The following MPP2 variants were observed in gnomAD, a reference collection of about 807,000 sequenced individuals.
MPP2 encodes the protein MAGUK p55 scaffold protein 2.
In MPP2, 42 loss-of-function variants were observed where a neutral mutation model predicts 58.5. The observed-to-expected ratio is 0.72, with a 90% CI of 0.56 to 0.93. The LOEUF (loss-of-function observed/expected upper bound fraction) is 0.93, where lower values mean the gene tolerates loss of function less well. Among genes scored for constraint, MPP2 ranks in the 40% least tolerant of loss-of-function variants. The pLI, the probability that MPP2 is intolerant of heterozygous loss-of-function variation, is 0.00. For missense variants in MPP2, 632 were observed against 760.4 expected (o/e 0.83, Z 1.99); for synonymous variants, 300 against 307.8 (o/e 0.97, Z 0.26).
chr17:43,887,883 T>C (rs1215586576), intron 3 of MPP2, among the ~76,000 whole-genome samples: 2 of 152,126 alleles, frequency 1.3e-5, no homozygotes, highest in Non-Finnish European at 1.5e-5. Context: ...CAGGAGTTTA[T>C]ATACACAATG....
intron 3 of MPP2, among the ~76,000 whole-genome samples, chr17:43,897,583 C>A (rs1441176110): frequency 2.6e-5 from 4 of 152,218 alleles, no homozygotes; most frequent in Admixed American, 2.6e-4. Context: ...GACCTGCCAA[C>A]CTTTGCACAG....
upstream of MPP2, chr17:43,908,026 A>G (rs1464041693): frequency 1.0e-6 from 1 of 959,528 alleles, no homozygotes; most frequent in African/African-American, 1.8e-5. Flanking sequence ...TTAAGGACTC[A>G]GAGGGTGGAT....
In MPP2 at chr17:43,879,731, A is replaced by G. The variant is rs748860767; in HGVS notation, c.1353+51T>C. Reference sequence around the variant, plus strand: ...TCTGGAACTATATGGGGGAGCAATGAGGCAGCAGAGAGGACATTGGGCAGG... The same window carrying G: ...TCTGGAACTATATGGGGGAGCAATGGGGCAGCAGAGAGGACATTGGGCAGG... On this transcript the variant is annotated intron_variant, in intron 11 of 12. Transcript: ENST00000269095. This position sits in a 1 kb window ranked among gnomAD's most constrained non-coding sequence, Gnocchi z 4.1. 2.4e-5 allele frequency: 39 copies of G among 1,592,192 alleles called. No homozygotes were observed. In the African/African-American group the frequency reaches 5.0e-4, roughly 20 times the overall value.
chr17:43,878,706 A>G (rs771831565), intron 12 of MPP2, among the ~76,000 whole-genome samples: 1 of 152,192 alleles, frequency 6.6e-6, no homozygotes, highest in African/African-American at 2.4e-5. Context: ...AGCACCAGGC[A>G]TGGCCAGCAG....
chr17:43,883,442 A>T, intron 3 of MPP2, 87 bp from the exon 4 acceptor site: 1 of 1,449,372 alleles, frequency 6.9e-7, no homozygotes, highest in Non-Finnish European at 9.2e-7. Flanking sequence ...GCCCCCAGGC[A>T]TTTTCCCCAT....
rs2047160027 is a variant in MPP2 at position 43,882,192 on chromosome 17, CAGT to C, written c.681+89_681+91del. The C allele has an allele frequency of 3.2e-6, 4 of 1,235,268 alleles. No individual in the cohort carries two copies. The South Asian group carries it at 5.5e-5, about 17-fold the overall frequency. The allele number at this position is 1,235,268 out of a possible 1,614,324, so 76.5% of individuals were successfully genotyped here. On this transcript the variant is annotated intron_variant, in intron 6 of 12. Transcript: ENST00000269095. Reference sequence around the variant, plus strand: ...CACCCCCATCTTCCCTGGAGGAAACCAGTAGGAGAGGAGGGCCTCCGTGAGACC... The same window carrying C: ...CACCCCCATCTTCCCTGGAGGAAACCAGGAGAGGAGGGCCTCCGTGAGACC...
intron 5 of MPP2, 138 bp downstream of exon 5, chr17:43,882,765 G>T: frequency 2.3e-6 from 3 of 1,308,508 alleles, no homozygotes; most frequent in African/African-American, 1.5e-5. Context: ...CCGACCCTTT[G>T]CTGCATCAAT....
intron 3 of MPP2, among the ~76,000 whole-genome samples, chr17:43,894,473 C>G (rs1276261811): frequency 8.3e-6 from 1 of 120,530 alleles, no homozygotes; most frequent in African/African-American, 2.9e-5. Flanking sequence ...AAAAATTAGC[C>G]GGGCATGGTG....
intron 3 of MPP2, among the ~76,000 whole-genome samples, chr17:43,893,493 A>C (rs921755270): frequency 1.3e-5 from 2 of 152,178 alleles, no homozygotes; most frequent in Non-Finnish European, 2.9e-5. Context: ...AGCTCTATTC[A>C]TATATTAGAA....
At chr17:43,904,576 G>T in intron 1 of MPP2, 83 bp from the exon 2 acceptor site, 2 of 1,237,014 alleles carry the variant, frequency 1.6e-6, no homozygotes, top group East Asian at 2.4e-5. Context: ...CCTTCAGGAC[G>T]AGCCAGAAAG....
Position 43,881,182 on chromosome 17 carries a change from T to C in MPP2, c.920-24A>G, listed in dbSNP as rs747981740. ...CCCTGGCCATAGGGAGATGGGTGAG[T>C]GAGGCAGACAGGGCCCTGTTGGATC... On this transcript the variant is annotated intron_variant, in intron 8 of 12. Coordinates refer to ENST00000269095, the MANE Select transcript of MPP2 (RefSeq NM_005374.5). The C allele has an allele frequency of 1.8e-4, 296 of 1,613,238 alleles. 1 individual carries two copies. The highest frequency in any genetic ancestry group is 2.2e-4 in the Non-Finnish European group (262 of 1,179,748).
intron 3 of MPP2, among the ~76,000 whole-genome samples, chr17:43,892,771 G>A (rs187310708): frequency 6.6e-6 from 1 of 152,182 alleles, no homozygotes; most frequent in African/African-American, 2.4e-5. Context: ...CGCCAAAAAC[G>A]TTTCCAGAGA....
At chr17:43,907,611 G>A (rs2048344873), upstream of MPP2, 1 of 985,536 alleles carries the variant, frequency 1.0e-6, no homozygotes, top group Non-Finnish European at 1.2e-6. Flanking sequence ...GAGGAGAGGG[G>A]AGGTGAGGAG....
chr17:43,891,669 G>T (rs1025291237), intron 3 of MPP2, among the ~76,000 whole-genome samples: 2 of 152,170 alleles, frequency 1.3e-5, no homozygotes, highest in African/African-American at 4.8e-5. Context: ...GCCAAGGTGG[G>T]AGGATCACTT....
At chr17:43,897,805 T>A (rs545156173) in intron 3 of MPP2, among the ~76,000 whole-genome samples, 112 of 152,344 alleles carry the variant, frequency 7.4e-4, no homozygotes, top group African/African-American at 2.6e-3. Context: ...ACACCTGTCC[T>A]TTATGCTCCC....
chr17:43,895,723 A>C (rs2047815562), intron 3 of MPP2, among the ~76,000 whole-genome samples: 1 of 152,060 alleles, frequency 6.6e-6, no homozygotes, highest in African/African-American at 2.4e-5. Flanking sequence ...ACTGCACTTG[A>C]GCTTCTTGGC....
At chr17:43,878,968 G>A (rs945271290) in intron 12 of MPP2, among the ~76,000 whole-genome samples, 2 of 152,180 alleles carry the variant, frequency 1.3e-5, no homozygotes, top group African/African-American at 4.8e-5. Context: ...ACCTCTCCCA[G>A]TTGCCCTCGG....
chr17:43,909,631 G>A (rs1308696763), upstream of MPP2: 1 of 1,461,468 alleles, frequency 6.8e-7, no homozygotes, highest in Non-Finnish European at 9.0e-7. Flanking sequence ...TGGGGAGGTG[G>A]AGCCCAACTC....
At chr17:43,883,477 G>T in intron 3 of MPP2, 122 bp from the exon 4 acceptor site, 1 of 1,060,728 alleles carries the variant, frequency 9.4e-7, no homozygotes, top group Non-Finnish European at 1.3e-6. Flanking sequence ...CCCAGCTTCA[G>T]CTCCTCACTC....
Sources: gnomAD v4.1 joint callset for allele counts (sites outside exome capture counted in the v4.1 genomes callset) on GRCh38, gnomAD v4.1.1 for gene constraint, Gnocchi (gnomAD v3.1) non-coding constraint, MANE v1.5 for transcripts, NCBI Gene and HGNC (gene_info 2026-07-23, HGNC 2026-07-21) for gene names.